The following ADGRL3 variants were observed in gnomAD, a reference collection of about 807,000 sequenced individuals.
ADGRL3 encodes calcium-independent alpha-latrotoxin receptor 3.
Under a neutral mutation model 153.5 loss-of-function variants are expected in ADGRL3, and 62 were observed. That is an observed-to-expected ratio of 0.40 (90% confidence interval 0.33 to 0.50). The LOEUF (loss-of-function observed/expected upper bound fraction) is 0.50. ADGRL3 is among the 20% of genes least tolerant of loss of function. The pLI is 0.47. For missense variants in ADGRL3, 1,641 were observed against 1,859.4 expected (o/e 0.88, Z 2.16); for synonymous variants, 710 against 672.5 (o/e 1.06, Z -0.86).
intron 2 of ADGRL3, among the ~76,000 whole-genome samples, chr4:61,432,642 CTT>C (rs1332625218): frequency 2.2e-4 from 5 of 22,940 alleles, no homozygotes; most frequent in Non-Finnish European, 2.9e-4. Context: ...TTCTTTCTTT[CTT>C]TCTTTCTTTC....
intron 2 of ADGRL3, among the ~76,000 whole-genome samples, chr4:61,398,340 AATG>A (rs1560572762): frequency 2.6e-5 from 4 of 151,788 alleles, no homozygotes; most frequent in African/African-American, 9.7e-5. Flanking sequence ...ATGGAGTGAG[AATG>A]ATGAGCCTTC....
chr4:61,548,651 T>A (rs986350126), intron 4 of ADGRL3, among the ~76,000 whole-genome samples: 15 of 152,062 alleles, frequency 9.9e-5, no homozygotes, highest in African/African-American at 3.6e-4. Context: ...GTCTTTGTAC[T>A]AATATCATGC....
intron 8 of ADGRL3, among the ~76,000 whole-genome samples, chr4:61,801,949 GTTT>G (rs1463175164): frequency 6.6e-6 from 1 of 152,062 alleles, no homozygotes; most frequent in Non-Finnish European, 1.5e-5. Context: ...GATTTACCAT[GTTT>G]TTTATTTGCA....
intron 17 of ADGRL3, among the ~76,000 whole-genome samples, chr4:61,970,305 C>A (rs966563418): frequency 6.6e-6 from 1 of 152,100 alleles, no homozygotes; most frequent in African/African-American, 2.4e-5. Context: ...ATAAAATTTT[C>A]TATCTGCCTA....
At chr4:61,755,176 TC>T (rs2096809120) in intron 8 of ADGRL3, among the ~76,000 whole-genome samples, 3 of 152,262 alleles carry the variant, frequency 2.0e-5, no homozygotes, top group Non-Finnish European at 4.4e-5. Context: ...TAGTTCTAGA[TC>T]CCTGAGGAAT....
chr4:61,925,168 C>T (rs1225141929), intron 13 of ADGRL3, among the ~76,000 whole-genome samples: 1 of 152,108 alleles, frequency 6.6e-6, no homozygotes, highest in Non-Finnish European at 1.5e-5. Flanking sequence ...GTTATTATTT[C>T]TAGTTCCTGA....
chr4:62,031,954 T>TAA (rs1491558208), intron 23 of ADGRL3, among the ~76,000 whole-genome samples: 1 of 80,128 alleles, frequency 1.2e-5, no homozygotes. Context: ...AGGCATGAGT[T>TAA]ATACACACAC....
chr4:61,587,209 T>C lies in ADGRL3; in HGVS notation c.260-18T>C. The C allele has an allele frequency of 6.4e-7, 1 of 1,570,660 alleles. No homozygotes were observed. The highest frequency in any genetic ancestry group is 1.2e-5 in the South Asian group (1 of 86,612). On this transcript the variant is annotated intron_variant, in intron 4 of 26. Transcript: ENST00000683033. ...GTAGTAACGATGGCATCTCTTTTCT[T>C]CCTCTTCCTTTTGGCAGCTTTCAGC...
At chr4:61,795,946 G>A (rs1461106439) in intron 8 of ADGRL3, among the ~76,000 whole-genome samples, 4 of 152,086 alleles carry the variant, frequency 2.6e-5, no homozygotes, top group East Asian at 1.9e-4. Flanking sequence ...AGGTTCAAGC[G>A]ATTCTCCTGC....
rs1158322984 is a variant in ADGRL3, at chr4:61,862,560, A to G, written c.1481-30096A>G. Among the ~76,000 whole-genome samples, 8 of 152,288 alleles carry G rather than the reference A, an allele frequency of 5.3e-5. No individual in the cohort carries two copies. The East Asian group carries it at 1.4e-3, about 26-fold the overall frequency. ...CCTCTCACACATGTTCCTTGATATT[A>G]TGTCCCACCACCACCAGCTTTGGGA... On this transcript the variant is annotated intron_variant, in intron 9 of 26. Transcript: ENST00000683033.
At chr4:61,377,255 A>G (rs537214729) in intron 1 of ADGRL3, among the ~76,000 whole-genome samples, 1 of 152,040 alleles carries the variant, frequency 6.6e-6, no homozygotes, top group Non-Finnish European at 1.5e-5. Flanking sequence ...AGGCAAACTG[A>G]TAGTCACCAC....
intron 1 of ADGRL3, among the ~76,000 whole-genome samples, chr4:61,274,611 T>C (rs143942905): frequency 1.3e-5 from 2 of 152,298 alleles, no homozygotes; most frequent in African/African-American, 4.8e-5. Flanking sequence ...GTGTTTGTTT[T>C]TTTGGTTATC....
chr4:61,366,768 T>A (rs1024255864), intron 1 of ADGRL3, among the ~76,000 whole-genome samples: 1 of 152,244 alleles, frequency 6.6e-6, no homozygotes, highest in African/African-American at 2.4e-5. Flanking sequence ...TTAGTTGACC[T>A]TTTAAGCTTA....
At chr4:61,425,721 G>A (rs1265492788) in intron 2 of ADGRL3, among the ~76,000 whole-genome samples, 1 of 152,170 alleles carries the variant, frequency 6.6e-6, no homozygotes, top group African/African-American at 2.4e-5. Flanking sequence ...TCCCACAGAG[G>A]AGGGTTCCTT....
intron 9 of ADGRL3, among the ~76,000 whole-genome samples, chr4:61,850,677 A>G (rs1020301914): frequency 6.6e-6 from 1 of 152,216 alleles, no homozygotes; most frequent in Admixed American, 6.5e-5. Context: ...TTGTAAACTT[A>G]AAATTGATAT....
At chr4:61,755,454 T>G (rs2096815207) in intron 8 of ADGRL3, among the ~76,000 whole-genome samples, 2 of 152,320 alleles carry the variant, frequency 1.3e-5, no homozygotes, top group East Asian at 3.9e-4. Context: ...TCGCCCACTT[T>G]TTGATGGGGT....
intron 9 of ADGRL3, among the ~76,000 whole-genome samples, chr4:61,859,093 C>T (rs180940968): frequency 8.7e-4 from 133 of 152,210 alleles, no homozygotes; most frequent in Middle Eastern, 6.8e-3. Flanking sequence ...TATATACTAT[C>T]CTGTGAACAC....
intron 1 of ADGRL3, among the ~76,000 whole-genome samples, chr4:61,258,879 A>T (rs1277563587): frequency 1.3e-5 from 2 of 152,230 alleles, no homozygotes; most frequent in African/African-American, 4.8e-5. Flanking sequence ...ATAATATTGA[A>T]CATTGCTAAT....
chr4:62,065,457 C>G (rs1030506464), intron 25 of ADGRL3, among the ~76,000 whole-genome samples: 27 of 151,836 alleles, frequency 1.8e-4, no homozygotes, highest in African/African-American at 6.5e-4. Flanking sequence ...TTGCTTTTTT[C>G]TTTGTTTTCC....
Sources: allele counts gnomAD v4.1 joint callset (sites outside exome capture counted in the v4.1 genomes callset), GRCh38; gene constraint gnomAD v4.1.1; transcripts MANE v1.5; gene names NCBI Gene and HGNC (gene_info 2026-07-23, HGNC 2026-07-21).